The following DYNC2I1 variants were observed in gnomAD, a reference collection of about 807,000 sequenced individuals.
DYNC2I1 encodes the protein cytoplasmic dynein 2 intermediate chain 1.
In DYNC2I1, 89 loss-of-function variants were observed where a neutral mutation model predicts 133.4. That is an observed-to-expected ratio of 0.67 (90% confidence interval 0.56 to 0.80). The LOEUF (loss-of-function observed/expected upper bound fraction) is 0.80, where lower values mean the gene tolerates loss of function less well. Among genes scored for constraint, DYNC2I1 ranks in the 30% least tolerant of loss-of-function variants. The pLI, the probability that DYNC2I1 is intolerant of heterozygous loss-of-function variation, is 0.00. For synonymous variants in DYNC2I1, 504 were observed against 484.3 expected (o/e 1.04, Z -0.54); for missense variants, 1,291 against 1,314.5 (o/e 0.98, Z 0.28).
chr7:158,898,176 A>T (rs1237257392), intron 8 of DYNC2I1, among the ~76,000 whole-genome samples: 1 of 152,128 alleles, frequency 6.6e-6, no homozygotes. Context: ...ATCATGGTGA[A>T]TTATATGCCA....
chr7:158,848,541 T>C, the DYNC2I1 span, among the ~76,000 whole-genome samples: 71 of 152,222 alleles, frequency 4.7e-4, no homozygotes, highest in Middle Eastern at 6.8e-3. Context: ...AGAAGGGTGG[T>C]GGGAATCTTT....
intron 8 of DYNC2I1, 147 bp downstream of exon 8, chr7:158,891,480 T>G (rs1845211355): frequency 2.2e-6 from 2 of 892,662 alleles, no homozygotes; most frequent in Non-Finnish European, 3.6e-6. Context: ...CAGATGAGAT[T>G]TTCATATGAA....
chr7:158,948,931 C>T (rs767802914), downstream of DYNC2I1, among the ~76,000 whole-genome samples: 7 of 152,164 alleles, frequency 4.6e-5, no homozygotes, highest in African/African-American at 1.4e-4. Context: ...CTCAGGAAGA[C>T]GCAAAGAGGA....
rs547990993 is a variant in DYNC2I1 at position 158,953,580 on chromosome 7, A to G, written c.*57-3003A>G. Reference sequence around the variant, plus strand: ...AGTCTGGGAAACATGGCAAGACCCTATCTCTACAAATAAACATAGCTGGGG... The same window carrying G: ...AGTCTGGGAAACATGGCAAGACCCTGTCTCTACAAATAAACATAGCTGGGG... On this transcript the variant is annotated intron_variant and NMD_transcript_variant, in intron 4 of 4. Coordinates refer to the DYNC2I1 transcript ENST00000454771. 2.0e-5 allele frequency among the ~76,000 whole-genome samples: 3 copies of G among 152,282 alleles called. No individual in the cohort carries two copies. In the East Asian group the frequency reaches 5.8e-4, roughly 29 times the overall value.
At chr7:158,929,032 A>G (rs2129487343) in intron 20 of DYNC2I1, among the ~76,000 whole-genome samples, 1 of 152,364 alleles carries the variant, frequency 6.6e-6, no homozygotes, top group Admixed American at 6.5e-5. Flanking sequence ...TGATGGTCAT[A>G]TAAAGGATAT....
intron 1 of DYNC2I1, among the ~76,000 whole-genome samples, chr7:158,862,092 A>G (rs754973043): frequency 5.3e-5 from 8 of 152,182 alleles, no homozygotes; most frequent in African/African-American, 1.9e-4. Context: ...GTGTGTTGCC[A>G]TGCAGGGTTA....
intron 21 of DYNC2I1, among the ~76,000 whole-genome samples, chr7:158,932,790 G>C (rs915117551): frequency 6.6e-6 from 1 of 152,160 alleles, no homozygotes; most frequent in Non-Finnish European, 1.5e-5. Context: ...TACAGGTACA[G>C]AGGGCTGGAC....
chr7:158,911,709 AAAATGC>A, intron 12 of DYNC2I1, 30 bp downstream of exon 12: 1 of 1,584,736 alleles, frequency 6.3e-7, no homozygotes, highest in Non-Finnish European at 8.6e-7. Flanking sequence ...ACTAAGTGAT[AAAATGC>A]AAGTAAAGTC....
intron 3 of DYNC2I1, among the ~76,000 whole-genome samples, chr7:158,873,340 C>G (rs1443139620): frequency 6.6e-6 from 1 of 152,172 alleles, no homozygotes; most frequent in Non-Finnish European, 1.5e-5. Flanking sequence ...GAAGGCCTGG[C>G]TGTGAAAAGG....
At chr7:158,895,549 A>T (rs1845684534) in intron 8 of DYNC2I1, among the ~76,000 whole-genome samples, 1 of 152,144 alleles carries the variant, frequency 6.6e-6, no homozygotes, top group African/African-American at 2.4e-5. Context: ...ATAGCTTTGT[A>T]GTGGGTCTTG....
chr7:158,911,501 C>T, intron 11 of DYNC2I1, 49 bp from the exon 12 acceptor site: 1 of 1,592,338 alleles, frequency 6.3e-7, no homozygotes, highest in Non-Finnish European at 8.6e-7. Flanking sequence ...CACTTCCCCA[C>T]GTATATTATT....
upstream of DYNC2I1, among the ~76,000 whole-genome samples, chr7:158,855,939 C>CT (rs71200072): frequency 0.024 from 2,862 of 119,282 alleles, 114 homozygotes; most frequent in African/African-American, 0.067. Context: ...AAGCTCTTTT[C>CT]TTTTTTTTTT....
chr7:158,876,096 T>A (rs116025600), intron 3 of DYNC2I1, among the ~76,000 whole-genome samples: 1 of 152,178 alleles, frequency 6.6e-6, no homozygotes, highest in Non-Finnish European at 1.5e-5. Context: ...GACTCACCAT[T>A]GTGCGGGCTG....
At chr7:158,947,688 C>T (rs555431881), downstream of DYNC2I1, among the ~76,000 whole-genome samples, 2 of 152,350 alleles carry the variant, frequency 1.3e-5, no homozygotes, top group African/African-American at 2.4e-5. Flanking sequence ...GTCCTCCTGA[C>T]GTGAGCCTCC....
the DYNC2I1 span, among the ~76,000 whole-genome samples, chr7:158,841,226 A>T: frequency 4.3e-5 from 5 of 117,640 alleles, no homozygotes; most frequent in Non-Finnish European, 6.8e-5. Flanking sequence ...TATATATTTT[A>T]GACAGAGTCT....
intron 8 of DYNC2I1, among the ~76,000 whole-genome samples, chr7:158,896,171 A>G (rs547510996): frequency 4.1e-4 from 62 of 152,312 alleles, no homozygotes; most frequent in African/African-American, 1.5e-3. Context: ...CTTTGTTTTC[A>G]ATCTTAGTGG....
chr7:158,928,283 C>A (rs976340600), intron 20 of DYNC2I1, among the ~76,000 whole-genome samples: 1 of 152,180 alleles, frequency 6.6e-6, no homozygotes, highest in Non-Finnish European at 1.5e-5. Context: ...ATCTCAACTT[C>A]TTTCTCACCT....
intron 1 of DYNC2I1, among the ~76,000 whole-genome samples, chr7:158,863,321 C>T (rs842707): frequency 0.14 from 21,483 of 152,048 alleles, 1,792 homozygotes; most frequent in Middle Eastern, 0.23. Flanking sequence ...GTTTACAAAC[C>T]TTCAGCAAGA....
intron 5 of DYNC2I1, among the ~76,000 whole-genome samples, chr7:158,882,826 A>G (rs114154718): frequency 0.012 from 1,869 of 151,130 alleles, 40 homozygotes; most frequent in African/African-American, 0.043. Flanking sequence ...CGGTGAACTG[A>G]GATCGTGCCA....
Sources: allele counts gnomAD v4.1 joint callset (sites outside exome capture counted in the v4.1 genomes callset), GRCh38; gene constraint gnomAD v4.1.1; transcripts MANE v1.5; gene names NCBI Gene and HGNC (gene_info 2026-07-23, HGNC 2026-07-21).